Variants in ERCC3 observed in about 807,000 individuals in gnomAD.
ERCC3 encodes general transcription and DNA repair factor IIH helicase/translocase subunit XPB.
Under a neutral mutation model 94.2 loss-of-function variants are expected in ERCC3, and 66 were observed. The ratio of observed to expected loss-of-function variants is 0.70; its 90% CI spans 0.57 to 0.86. ERCC3 has a LOEUF of 0.86. ERCC3 is among the 40% of genes least tolerant of loss of function. The pLI is 0.00. For missense variants in ERCC3, 829 were observed against 987.1 expected, an observed-to-expected ratio of 0.84 and a Z score of 2.15; for synonymous variants, 349 against 369.1, an observed-to-expected ratio of 0.95 and a Z score of 0.63.
rs1301619755 is a variant in ERCC3, at chr2:127,291,268, T to C, written c.472-995A>G. Among the ~76,000 whole-genome samples, 2 of 151,712 alleles carry C rather than the reference T, an allele frequency of 1.3e-5. No homozygotes were observed. The highest frequency in any genetic ancestry group is 2.9e-5 in the Non-Finnish European group (2 of 67,934). The stretch of plus-strand genomic sequence containing the variant: ...TTGGGCACGCTTTCTTTTTTGTTGT[T>C]GTTCTGAGGCGGAGTCTCACTCTGT... On this transcript the variant is annotated intron_variant, in intron 3 of 14. Coordinates refer to ENST00000285398, the MANE Select transcript of ERCC3 (RefSeq NM_000122.2). This position sits in a 1 kb window ranked among gnomAD's most constrained non-coding sequence, Gnocchi z 4.9.
In ERCC3 at chr2:127,291,954, G is replaced by A. The variant is rs559341514; in HGVS notation, c.471+656C>T. ...GGCTGCCATAATAAAATTCCAGACT[G>A]GGTGGCTTCAACATTAGAACTGTAT... is the stretch of plus-strand genomic sequence containing the variant. On this transcript the variant is annotated intron_variant, in intron 3 of 14. Coordinates refer to ENST00000285398, the MANE Select transcript of ERCC3 (RefSeq NM_000122.2). This position sits in a 1 kb window ranked among gnomAD's most constrained non-coding sequence, Gnocchi z 4.9. 2 of 157,976 alleles carry A rather than the reference G, an allele frequency of 1.3e-5. No homozygotes were observed. Among genetic ancestry groups the A allele is most frequent in the Non-Finnish European group, 2.8e-5 (2 of 71,162 alleles). The allele number at this position is 157,976 out of a possible 1,614,324, so 9.8% of individuals were successfully genotyped here.
intron 12 of ERCC3, among the ~76,000 whole-genome samples, chr2:127,269,880 C>T (rs934114851): frequency 2.0e-5 from 3 of 151,796 alleles, no homozygotes; most frequent in East Asian, 2.0e-4. Flanking sequence ...ATTAGCTGGA[C>T]GTGGTGGTGC....
rs752026166 is a variant in ERCC3, at chr2:127,288,661, G to T, written c.1026C>A (p.Cys342Ter). Residue 342 changes from cysteine to a stop codon, truncating the protein, a stop_gained and splice_region_variant, in exon 7 of 15, where the codon TGC becomes TGA. Transcript: ENST00000285398. LOFTEE classifies it high-confidence loss of function. ...CTTCTTAACTCTGGTACCACTTACC[G>T]CAGGGAAGAACAATGACCCCCGAAC... is the stretch of plus-strand genomic sequence containing the variant. ...RARSGVIVLP[C>*]GAGKSLVGVT... is the part of the protein sequence containing the mutation. The T allele has an allele frequency of 6.2e-7, 1 of 1,613,288 alleles. No individual in the cohort carries two copies. Among genetic ancestry groups the T allele is most frequent in the Non-Finnish European group, 8.5e-7 (1 of 1,179,362 alleles).
In ERCC3 at chr2:127,264,248, G is replaced by A. The variant is rs573685190; in HGVS notation, c.1946-2902C>T. ...GGAGGCCAAGGTGGGTGGATCACCT[G>A]AGGTCAGGCCTTCAAGACCAGCACT... On this transcript the variant is annotated intron_variant, in intron 12 of 14. Coordinates refer to ENST00000285398, the MANE Select transcript of ERCC3 (RefSeq NM_000122.2). The surrounding 1 kb of genome is among the most constrained non-coding windows in gnomAD (Gnocchi z 4.4). Among the ~76,000 whole-genome samples, 1 of 152,294 alleles carries A rather than the reference G, an allele frequency of 6.6e-6. No homozygotes were observed. The highest frequency in any genetic ancestry group is 2.1e-4 in the South Asian group (1 of 4,822).
chr2:127,293,505 A>ATGCT lies in ERCC3; in HGVS notation c.234+4_234+7dup, dbSNP rs767833156. 2 of 1,613,764 alleles carry ATGCT rather than the reference A, an allele frequency of 1.2e-6. No homozygotes were observed. Among genetic ancestry groups the ATGCT allele is most frequent in the East Asian group, 4.5e-5 (2 of 44,870 alleles). The stretch of plus-strand genomic sequence containing the variant: ...CCTGGGCCCTGCCCAAGCTAAGGGC[A>ATGCT]TGCTTACCACCCAGAGGGGCCTGGA... On this transcript the variant is annotated splice_region_variant and intron_variant, in intron 2 of 14. Coordinates refer to ENST00000285398, the MANE Select transcript of ERCC3 (RefSeq NM_000122.2).
At position 127,288,645 on chromosome 2, in the gene ERCC3, T is replaced by G; in HGVS notation, c.1027+15A>C. 1 of 1,611,898 alleles carries G rather than the reference T, an allele frequency of 6.2e-7. No individual in the cohort carries two copies. Among genetic ancestry groups the G allele is most frequent in the Non-Finnish European group, 8.5e-7 (1 of 1,177,998 alleles). ...ACAACAGCCTGACCACCTTCTTAAC[T>G]CTGGTACCACTTACCGCAGGGAAGA... On this transcript the variant is annotated intron_variant, in intron 7 of 14. Coordinates refer to ENST00000285398, the MANE Select transcript of ERCC3 (RefSeq NM_000122.2).
chr2:127,284,016 T>A lies in ERCC3; in HGVS notation c.1342+2687A>T, dbSNP rs1684994966. 1.3e-5 allele frequency among the ~76,000 whole-genome samples: 2 copies of A among 152,204 alleles called. No individual in the cohort carries two copies. Among genetic ancestry groups the A allele is most frequent in the South Asian group, 4.1e-4 (2 of 4,832 alleles). The stretch of plus-strand genomic sequence containing the variant: ...CCTTTGAGAGTGTTCCCCATCTCAA[T>A]TAATGCCCACTGTATCCTCCCTTTG... On this transcript the variant is annotated intron_variant, in intron 8 of 14. Transcript: ENST00000285398. The surrounding 1 kb of genome is among the most constrained non-coding windows in gnomAD (Gnocchi z 4.1).
intron 10 of ERCC3, among the ~76,000 whole-genome samples, chr2:127,275,543 C>T (rs940187091): frequency 2.2e-4 from 33 of 152,088 alleles, no homozygotes; most frequent in African/African-American, 7.7e-4. Flanking sequence ...AGCAGATGCT[C>T]GGGAGGCTGC....
Position 127,261,257 on chromosome 2 carries a change from ATC to A in ERCC3, c.2033_2034del (p.Arg678IlefsTer8), listed in dbSNP as rs760140217. The A allele has an allele frequency of 6.2e-7, 1 of 1,611,838 alleles. No homozygotes were observed. Among genetic ancestry groups the A allele is most frequent in the Non-Finnish European group, 8.5e-7 (1 of 1,177,838 alleles). ...AAGCTATAACCTTGATCTACCAAGA[ATC>A]TCTGCCGCTTGGTTGAGTAAGCCAT... The part of the protein sequence containing the change: ...QEMAYSTKRQ[R>X]FLVDQGYSFK... On this transcript the variant is annotated frameshift_variant, in exon 13 of 15. Coordinates refer to ENST00000285398, the MANE Select transcript of ERCC3 (RefSeq NM_000122.2). LOFTEE classifies it high-confidence loss of function.
Position 127,290,242 on chromosome 2 carries a change from A to C in ERCC3, c.503T>G (p.Leu168Arg), listed in dbSNP as rs769839328. 2.5e-6 allele frequency: 4 copies of C among 1,613,964 alleles called. No individual in the cohort carries two copies. The African/African-American group carries it at 5.3e-5, about 22-fold the overall frequency. The part of the protein sequence containing the change: ...LCTVSYGKVK[L>R]VLKHNRYFVE... ...CTCTTACCTGTTGTGCTTCAAGACC[A>C]GCTTGACTTTTCCATAGCTGACAGT... is the stretch of plus-strand genomic sequence containing the variant. Residue 168 changes from leucine to arginine, a missense_variant, in exon 4 of 15, where the codon CTG (leucine) becomes CGG (arginine). Leu to Arg is a moderately radical substitution (Grantham distance 102). Coordinates refer to ENST00000285398, the MANE Select transcript of ERCC3 (RefSeq NM_000122.2).
chr2:127,288,329 A>G (rs1329919007), intron 7 of ERCC3, among the ~76,000 whole-genome samples: 1 of 152,148 alleles, frequency 6.6e-6, no homozygotes, highest in Non-Finnish European at 1.5e-5. Context: ...CATCATTACA[A>G]TCTCACCCCT....
Position 127,286,828 on chromosome 2 carries a change from G to A in ERCC3, c.1217C>T (p.Ala406Val). 6.2e-7 allele frequency: 1 copy of A among 1,614,214 alleles called. No homozygotes were observed. The highest frequency in any genetic ancestry group is 2.2e-5 in the East Asian group (1 of 44,888). ...AKDKPIGCSV[A>V]ISTYSMLGHT... ...GCCCAGCATGGAGTAGGTGCTAATGGCAACGGAGCAGCCGATGGGCTTGTC... is the reference window on the plus strand; with the variant it reads ...GCCCAGCATGGAGTAGGTGCTAATGACAACGGAGCAGCCGATGGGCTTGTC... Residue 406 changes from alanine (A) to valine (V), a missense_variant, in exon 8 of 15, where the codon GCC becomes GTC. Coordinates refer to ENST00000285398, the MANE Select transcript of ERCC3 (RefSeq NM_000122.2).
intron 8 of ERCC3, among the ~76,000 whole-genome samples, chr2:127,282,734 TTA>T (rs1491394015): frequency 6.6e-6 from 1 of 152,180 alleles, no homozygotes; most frequent in African/African-American, 2.4e-5. Context: ...CAAAAATCCC[TTA>T]GAGTTTGTTG....
In ERCC3 at chr2:127,284,168, C is replaced by T. The variant is rs1047783698; in HGVS notation, c.1342+2535G>A. On this transcript the variant is annotated intron_variant, in intron 8 of 14. Transcript: ENST00000285398. This position sits in a 1 kb window ranked among gnomAD's most constrained non-coding sequence, Gnocchi z 4.1. ...CATCCTTACTGGGATTCCACAAACT[C>T]ACCTCACCGCTTCTGTCTTGCTTCC... 13 of 152,334 alleles carry T rather than the reference C, an allele frequency of 8.5e-5. No homozygotes were observed. Among genetic ancestry groups the T allele is most frequent in the African/African-American group, 3.1e-4 (13 of 41,462 alleles). The allele number at this position is 152,334 out of a possible 1,614,324, so 9.4% of individuals were successfully genotyped here. A position where few individuals can be genotyped will look rare whatever the true frequency, so the allele number is the denominator to read the frequency against.
Position 127,286,688 on chromosome 2 carries a change from C to T in ERCC3, c.1342+15G>A. The T allele has an allele frequency of 1.2e-6, 2 of 1,613,228 alleles. No individual in the cohort carries two copies. Among genetic ancestry groups the T allele is most frequent in the Non-Finnish European group, 1.7e-6 (2 of 1,179,278 alleles). ...TCTGTTCAGCAAGTGGACAGCTCAG[C>T]TCCAGCCTGCTTACCTGGTATGGTG... is the stretch of plus-strand genomic sequence containing the variant. On this transcript the variant is annotated intron_variant, in intron 8 of 14. Coordinates refer to ENST00000285398, the MANE Select transcript of ERCC3 (RefSeq NM_000122.2).
At chr2:127,260,294 C>A (rs1481481522) in intron 13 of ERCC3, 3 of 152,350 alleles carry the variant, frequency 2.0e-5, no homozygotes, top group Non-Finnish European at 1.5e-5. Context: ...TTGTCGAGGT[C>A]ACCTTTCAAA....
chr2:127,273,540 G>A (rs1314056363), intron 10 of ERCC3, among the ~76,000 whole-genome samples: 2 of 151,190 alleles, frequency 1.3e-5, no homozygotes, highest in East Asian at 3.9e-4. Context: ...ACCTGAGGTT[G>A]GGAATTCACG....
chr2:127,274,326 A>AG lies in ERCC3; in HGVS notation c.1731-1366_1731-1365insC, dbSNP rs1479969057. The stretch of plus-strand genomic sequence containing the variant: ...TGAGACTCCGTCTCAGAAAAAAAAA[A>AG]AAAAGAAAAAGAAAAGAAAAAAATC... On this transcript the variant is annotated intron_variant, in intron 10 of 14. Transcript: ENST00000285398. This position sits in a 1 kb window ranked among gnomAD's most constrained non-coding sequence, Gnocchi z 4.0. Among the ~76,000 whole-genome samples the AG allele has an allele frequency of 6.6e-6, 1 of 152,080 alleles. No homozygotes were observed. Among genetic ancestry groups the AG allele is most frequent in the African/African-American group, 2.4e-5 (1 of 41,424 alleles).
chr2:127,264,847 ATT>A lies in ERCC3; in HGVS notation c.1946-3503_1946-3502del, dbSNP rs566656100. ...GGTCCAGGACTTTTTTAGTTGGTAGATTTTTTTTTTTTTTTTTGGAGGCGGAG... is the reference window on the plus strand; with the variant it reads ...GGTCCAGGACTTTTTTAGTTGGTAGATTTTTTTTTTTTTTTGGAGGCGGAG... On this transcript the variant is annotated intron_variant, in intron 12 of 14. Transcript: ENST00000285398. This position sits in a 1 kb window ranked among gnomAD's most constrained non-coding sequence, Gnocchi z 4.4. Among the ~76,000 whole-genome samples, 70 of 138,472 alleles carry A rather than the reference ATT, an allele frequency of 5.1e-4. No individual in the cohort carries two copies. Among genetic ancestry groups the A allele is most frequent in the Non-Finnish European group, 4.7e-4 (30 of 63,428 alleles). 90.8% of individuals were successfully genotyped at this position (138,472 alleles called of 152,430 possible). A position where few individuals can be genotyped will look rare whatever the true frequency, so the allele number is the denominator to read the frequency against.
Sources: gnomAD v4.1 joint callset for allele counts (sites outside exome capture counted in the v4.1 genomes callset) on GRCh38, gnomAD v4.1.1 for gene constraint, Gnocchi (gnomAD v3.1) non-coding constraint, MANE v1.5 for transcripts, NCBI Gene and HGNC (gene_info 2026-07-23, HGNC 2026-07-21) for gene names.